The following USH1C variants were observed in gnomAD, a reference collection of about 807,000 sequenced individuals.
The protein encoded by USH1C is harmonin.
Under a neutral mutation model 119.3 loss-of-function variants are expected in USH1C, and 90 were observed. That is an observed-to-expected ratio of 0.75 (90% CI 0.64 to 0.90). The LOEUF (loss-of-function observed/expected upper bound fraction) is 0.90. Among genes scored for constraint, USH1C ranks in the 40% least tolerant of loss-of-function variants. The pLI, the probability that USH1C is intolerant of heterozygous loss-of-function variation, is 0.00. For missense variants in USH1C, 1,165 were observed against 1,167.7 expected, an observed-to-expected ratio of 1.00 and a Z score of 0.03; for synonymous variants, 465 against 443.3, an observed-to-expected ratio of 1.05 and a Z score of -0.62.
At chr11:17,522,961 C>A in intron 11 of USH1C, 35 bp from the exon 12 acceptor site, 1 of 1,601,810 alleles carries the variant, frequency 6.2e-7, no homozygotes, top group Non-Finnish European at 8.5e-7. Flanking sequence ...GCTCAGCCCC[C>A]GGGGAACCTG....
Position 17,531,341 on chromosome 11 carries a change from GCCCCGCCCAGGGTGATCTCTCCA to G in USH1C, c.248+35_249-50del, listed in dbSNP as rs954784818. The stretch of plus-strand genomic sequence containing the variant: ...ATGGTGCAGCTTGGCTGCCAGCACT[GCCCCGCCCAGGGTGATCTCTCCA>G]CCCCCTGCCTCCAGCCTGGTGGCTT... On this transcript the variant is annotated intron_variant, in intron 3 of 26. Transcript: ENST00000005226. This position sits in a 1 kb window ranked among gnomAD's most constrained non-coding sequence, Gnocchi z 4.2. 3.1e-6 allele frequency: 5 copies of G among 1,613,870 alleles called. No individual in the cohort carries two copies. In the African/African-American group the frequency reaches 6.7e-5, roughly 22 times the overall value.
chr11:17,508,156 G>A (rs1056920228), intron 18 of USH1C, among the ~76,000 whole-genome samples: 1 of 152,206 alleles, frequency 6.6e-6, no homozygotes, highest in Admixed American at 6.5e-5. Context: ...AAAATGTTGT[G>A]CAAGGCTAAC....
Position 17,510,518 on chromosome 11 carries a change from A to T in USH1C, c.1417T>A (p.Ser473Thr). Residue 473 changes from serine (S) to threonine (T), a missense_variant, in exon 17 of 27, where the codon TCT becomes ACT. Transcript: ENST00000005226. Reference sequence around the variant, plus strand: ...TCAAGGTCTTCCCGCTCTGTCTCAGACACCTGGGACCCAGGATCGGCGCAG... The same window carrying T: ...TCAAGGTCTTCCCGCTCTGTCTCAGTCACCTGGGACCCAGGATCGGCGCAG... Reference protein sequence around the residue: ...LKINRLAQEVSETEREDLEES... With the variant: ...LKINRLAQEVTETEREDLEES... 6.2e-7 allele frequency: 1 copy of T among 1,612,190 alleles called. No homozygotes were observed. The highest frequency in any genetic ancestry group is 8.5e-7 in the Non-Finnish European group (1 of 1,178,230).
chr11:17,521,280 G>T, intron 13 of USH1C, 66 bp downstream of exon 13: 3 of 1,559,212 alleles, frequency 1.9e-6, no homozygotes, highest in Non-Finnish European at 2.7e-6. Flanking sequence ...GCAGCCTCTG[G>T]TTGGCCACAC....
At chr11:17,536,202 G>A (rs1034427206) in intron 1 of USH1C, among the ~76,000 whole-genome samples, 2 of 152,216 alleles carry the variant, frequency 1.3e-5, no homozygotes, top group Admixed American at 1.3e-4. Flanking sequence ...AGGACACCCT[G>A]ACTAAAGACT....
intron 1 of USH1C, among the ~76,000 whole-genome samples, chr11:17,542,049 T>A (rs532101534): frequency 1.3e-5 from 2 of 152,242 alleles, no homozygotes; most frequent in East Asian, 3.9e-4. Flanking sequence ...CTATTTAAGC[T>A]CCCCACACAC....
At chr11:17,507,190 A>G (rs1337178720) in intron 18 of USH1C, among the ~76,000 whole-genome samples, 2 of 152,194 alleles carry the variant, frequency 1.3e-5, no homozygotes, top group African/African-American at 4.8e-5. Flanking sequence ...TGCCAGGGGC[A>G]TGCAGGGAGG....
At chr11:17,530,624 C>G (rs989751952) in intron 4 of USH1C, among the ~76,000 whole-genome samples, 2 of 152,206 alleles carry the variant, frequency 1.3e-5, no homozygotes, top group African/African-American at 4.8e-5. Flanking sequence ...CTAACAAAAC[C>G]TGACGAGGTA....
intron 19 of USH1C, among the ~76,000 whole-genome samples, chr11:17,505,363 G>GT (rs1333043379): frequency 1.1e-4 from 17 of 152,264 alleles, no homozygotes; most frequent in Admixed American, 4.6e-4. Context: ...GGCAACGAGG[G>GT]TAACAGCGTG....
At chr11:17,525,234 A>G (rs1317120930) in intron 8 of USH1C, among the ~76,000 whole-genome samples, 1 of 152,092 alleles carries the variant, frequency 6.6e-6, no homozygotes. Flanking sequence ...GATGGCACCT[A>G]TTTGCCATCC....
chr11:17,533,931 C>A, intron 1 of USH1C: 1 of 307,412 alleles, frequency 3.3e-6, no homozygotes, highest in Non-Finnish European at 6.6e-6. Flanking sequence ...CAGGCCCCTG[C>A]ACAAGCCCCG....
intron 9 of USH1C, among the ~76,000 whole-genome samples, chr11:17,523,696 C>A (rs567446368): frequency 6.6e-6 from 1 of 152,198 alleles, no homozygotes; most frequent in African/African-American, 2.4e-5. Context: ...ACTATCTTAT[C>A]AACTATCAAA....
intron 1 of USH1C, among the ~76,000 whole-genome samples, chr11:17,542,336 C>T (rs1851504503): frequency 6.6e-6 from 1 of 152,252 alleles, no homozygotes; most frequent in South Asian, 2.1e-4. Flanking sequence ...CCTTTCTATC[C>T]TCTGTGCTTC....
chr11:17,502,372 GGCCCTGGGGGATGAA>G (rs1849480623), intron 20 of USH1C, among the ~76,000 whole-genome samples: 1 of 152,220 alleles, frequency 6.6e-6, no homozygotes. Flanking sequence ...AGCAGGCCCA[GGCCCTGGGGGATGAA>G]GCCCAAGGTG....
chr11:17,534,847 C>G (rs1278504467), intron 1 of USH1C, among the ~76,000 whole-genome samples: 1 of 138,860 alleles, frequency 7.2e-6, no homozygotes, highest in African/African-American at 2.7e-5. Context: ...GCACTCCAGG[C>G]TGGGTGACAG....
At chr11:17,522,977 C>T in intron 11 of USH1C, 51 bp from the exon 12 acceptor site, 1 of 1,598,398 alleles carries the variant, frequency 6.3e-7, no homozygotes, top group Non-Finnish European at 8.5e-7. Flanking sequence ...ACCTGGGGAT[C>T]CCCTGACACA....
At chr11:17,525,874 T>C (rs1056179919) in intron 8 of USH1C, among the ~76,000 whole-genome samples, 2 of 152,116 alleles carry the variant, frequency 1.3e-5, no homozygotes, top group African/African-American at 4.8e-5. Context: ...AGGCCTGTCA[T>C]GAAGTTCAGA....
At chr11:17,516,867 A>G (rs1033180603) in intron 14 of USH1C, among the ~76,000 whole-genome samples, 3 of 152,112 alleles carry the variant, frequency 2.0e-5, no homozygotes, top group Admixed American at 2.0e-4. Flanking sequence ...CGGGCAGGAG[A>G]TGTGCCCCCA....
At chr11:17,534,641 G>A (rs753828469) in intron 1 of USH1C, among the ~76,000 whole-genome samples, 3 of 152,160 alleles carry the variant, frequency 2.0e-5, no homozygotes, top group Admixed American at 6.5e-5. Flanking sequence ...TTGGGAGGCC[G>A]AGGTGGGCAG....
Sources: allele counts gnomAD v4.1 joint callset (sites outside exome capture counted in the v4.1 genomes callset), GRCh38; gene constraint gnomAD v4.1.1; non-coding constraint Gnocchi (gnomAD v3.1); transcripts MANE v1.5; gene names NCBI Gene and HGNC (gene_info 2026-07-23, HGNC 2026-07-21).